RRAGD: variants seen among roughly 807,000 people sequenced by gnomAD.
RRAGD encodes the protein ras-related GTP-binding protein D.
Under a neutral mutation model 35.5 loss-of-function variants are expected in RRAGD, and 12 were observed. That is an observed-to-expected ratio of 0.34 (90% CI 0.22 to 0.55). The LOEUF (loss-of-function observed/expected upper bound fraction) is 0.55, where lower values mean the gene tolerates loss of function less well. RRAGD is among the 20% of genes least tolerant of loss of function. The pLI, the probability that RRAGD is intolerant of heterozygous loss-of-function variation, is 0.91. For synonymous variants in RRAGD, 155 were observed against 178.9 expected, an observed-to-expected ratio of 0.87 and a Z score of 1.07; for missense variants, 324 against 490.1, an observed-to-expected ratio of 0.66 and a Z score of 3.20.
intron 4 of RRAGD, among the ~76,000 whole-genome samples, chr6:89,378,936 A>T (rs1463841905): frequency 6.6e-6 from 1 of 151,916 alleles, no homozygotes; most frequent in African/African-American, 2.4e-5. Context: ...TAGTTTTTAC[A>T]TTTTTTTTGT....
chr6:89,380,057 G>T (rs747855283), intron 3 of RRAGD, 111 bp downstream of exon 3: 1 of 891,744 alleles, frequency 1.1e-6, no homozygotes, highest in Non-Finnish European at 1.8e-6. Context: ...ATGAAACAGG[G>T]TAAAAAGAAG....
At chr6:89,373,705 CT>C (rs1344591466) in intron 5 of RRAGD, among the ~76,000 whole-genome samples, 1 of 140,912 alleles carries the variant, frequency 7.1e-6, no homozygotes, top group Non-Finnish European at 1.5e-5. Flanking sequence ...AATCTCATTT[CT>C]TTTATTTGCT....
At chr6:89,387,246 G>A in intron 2 of RRAGD, 49 bp downstream of exon 2, 5 of 1,563,942 alleles carry the variant, frequency 3.2e-6, no homozygotes, top group Non-Finnish European at 3.5e-6. Flanking sequence ...ATGGGGTGGG[G>A]TGGAGGGGAC....
chr6:89,364,807 A>G lies in RRAGD; in HGVS notation c.*3249T>C, dbSNP rs1768710427. On this transcript the variant is annotated 3_prime_UTR_variant, in exon 7 of 7. Coordinates refer to ENST00000369415, the MANE Select transcript of RRAGD (RefSeq NM_021244.5). ...GTACTTCCTTTTCACCAAAGAGACA[A>G]TTCTGCTCCCAGAAAGCTTAGCTAT... 1 of 152,192 alleles carries G rather than the reference A, an allele frequency of 6.6e-6. No homozygotes were observed. Among genetic ancestry groups the G allele is most frequent in the Non-Finnish European group, 1.5e-5 (1 of 68,038 alleles). The allele number at this position is 152,192 out of a possible 1,614,324, so 9.4% of individuals were successfully genotyped here. A position where few individuals can be genotyped will look rare whatever the true frequency, so the allele number is the denominator to read the frequency against.
chr6:89,411,903 A>C lies in RRAGD; in HGVS notation c.91T>G (p.Tyr31Asp). ...TCGGAGGAGTCGGGCCCGTCTCCGT[A>C]GTCCGCTAGCCCCACCAGCTCATCC... ...EEDELVGLADYGDGPDSSDAD... is the reference protein window; with the variant it reads ...EEDELVGLADDGDGPDSSDAD... Residue 31 changes from tyrosine (Y) to aspartate (D), a missense_variant, in exon 1 of 7, where the codon TAC (tyrosine) becomes GAC (aspartate). Physicochemically the swap from Tyr to Asp is radical, Grantham distance 160. Around this residue, in one of 5 missense-constraint regions of RRAGD, gnomAD observed 96 missense variants for 78.7 expected, o/e 1.22. Transcript: ENST00000369415. This position sits in a 1 kb window ranked among gnomAD's most constrained non-coding sequence, Gnocchi z 5.6. The C allele has an allele frequency of 6.5e-7, 1 of 1,545,618 alleles. No homozygotes were observed. The highest frequency in any genetic ancestry group is 2.4e-5 in the East Asian group (1 of 41,162).
intron 1 of RRAGD, among the ~76,000 whole-genome samples, chr6:89,401,908 G>A (rs1769472649): frequency 6.6e-6 from 1 of 152,054 alleles, no homozygotes; most frequent in Non-Finnish European, 1.5e-5. Flanking sequence ...CAAAATACAA[G>A]GTAGCACATG....
At chr6:89,391,221 C>G (rs1342167636) in intron 1 of RRAGD, among the ~76,000 whole-genome samples, 1 of 150,510 alleles carries the variant, frequency 6.6e-6, no homozygotes, top group Non-Finnish European at 1.5e-5. Context: ...CCCATCTCTA[C>G]AAAAACTTTA....
intron 3 of RRAGD, 119 bp from the exon 4 acceptor site, chr6:89,379,457 C>T (rs1769005792): frequency 4.5e-6 from 2 of 445,518 alleles, no homozygotes; most frequent in East Asian, 7.3e-5. Context: ...ACATACAGTC[C>T]AGCCCCCTTC....
rs2127881425 is a variant in RRAGD, at chr6:89,365,115, T to A, written c.*2941A>T. The A allele has an allele frequency of 6.6e-6, 1 of 152,338 alleles. No individual in the cohort carries two copies. Among genetic ancestry groups the A allele is most frequent in the East Asian group, 1.9e-4 (1 of 5,190 alleles). The allele number at this position is 152,338 out of a possible 1,614,324, so 9.4% of individuals were successfully genotyped here. A position where few individuals can be genotyped will look rare whatever the true frequency, so the allele number is the denominator to read the frequency against. On this transcript the variant is annotated 3_prime_UTR_variant, in exon 7 of 7. Transcript: ENST00000369415. ...TGTAACAATATTGCTGTGATTTTAG[T>A]CATATTTAAGGGTCCAAAATATGTT...
At chr6:89,401,790 C>A (rs998518498) in intron 1 of RRAGD, among the ~76,000 whole-genome samples, 2 of 152,132 alleles carry the variant, frequency 1.3e-5, no homozygotes, top group African/African-American at 4.8e-5. Flanking sequence ...GGGCCATAAC[C>A]CTGGGCCTTT....
At position 89,364,832 on chromosome 6, in the gene RRAGD, T is replaced by C. The variant is rs1768711045; in HGVS notation, c.*3224A>G. On this transcript the variant is annotated 3_prime_UTR_variant, in exon 7 of 7. Coordinates refer to ENST00000369415, the MANE Select transcript of RRAGD (RefSeq NM_021244.5). ...ATTCTGCTCCCAGAAAGCTTAGCTA[T>C]GAATACACTTGAAATGAGAGCTTTA... is the stretch of plus-strand genomic sequence containing the variant. 6.6e-6 allele frequency: 1 copy of C among 152,206 alleles called. No homozygotes were observed. The highest frequency in any genetic ancestry group is 1.5e-5 in the Non-Finnish European group (1 of 68,042). 9.4% of individuals were successfully genotyped at this position (152,206 alleles called of 1,614,324 possible).
intron 1 of RRAGD, among the ~76,000 whole-genome samples, chr6:89,400,252 G>A (rs1485989768): frequency 6.6e-6 from 1 of 152,050 alleles, no homozygotes; most frequent in East Asian, 1.9e-4. Context: ...TAACAATAAA[G>A]AGATTTAAAA....
At chr6:89,378,695 A>G (rs773120937) in intron 4 of RRAGD, among the ~76,000 whole-genome samples, 1 of 152,244 alleles carries the variant, frequency 6.6e-6, no homozygotes, top group African/African-American at 2.4e-5. Context: ...ATATTGAATG[A>G]TTGCCTACAG....
intron 1 of RRAGD, among the ~76,000 whole-genome samples, chr6:89,407,073 T>G (rs1317937969): frequency 6.6e-6 from 1 of 152,124 alleles, no homozygotes. Context: ...ACTTTGAGAG[T>G]GCACTAAGGT....
At chr6:89,400,618 G>A (rs1220661899) in intron 1 of RRAGD, among the ~76,000 whole-genome samples, 1 of 150,230 alleles carries the variant, frequency 6.7e-6, no homozygotes, top group Admixed American at 6.6e-5. Context: ...AAGTCCCCTA[G>A]AGTACAGCTC....
Position 89,380,154 on chromosome 6 carries a change from G to T in RRAGD, c.644+14C>A, listed in dbSNP as rs1020232038. ...CATCCTTTATTGGGATCCTTAAGGG[G>T]TTTCTGTTCTCACCTGAGGTGAATT... On this transcript the variant is annotated intron_variant, in intron 3 of 6. Transcript: ENST00000369415. 1.5e-5 allele frequency: 24 copies of T among 1,613,380 alleles called. No individual in the cohort carries two copies. The highest frequency in any genetic ancestry group is 1.9e-5 in the Non-Finnish European group (22 of 1,179,360).
Position 89,412,013 on chromosome 6 carries a change from G to A in RRAGD, c.-20C>T, listed in dbSNP as rs1209151960. On this transcript the variant is annotated 5_prime_UTR_variant, in exon 1 of 7. Coordinates refer to ENST00000369415, the MANE Select transcript of RRAGD (RefSeq NM_021244.5). The surrounding 1 kb of genome is among the most constrained non-coding windows in gnomAD (Gnocchi z 4.2). Reference sequence around the variant, plus strand: ...GCTCATCGTGCCCACCGGCCGGCCGGCCCGGGGACGGCGGGGGTCCCGGGG... The same window carrying A: ...GCTCATCGTGCCCACCGGCCGGCCGACCCGGGGACGGCGGGGGTCCCGGGG... 1.3e-6 allele frequency: 2 copies of A among 1,521,994 alleles called. No individual in the cohort carries two copies. Among genetic ancestry groups the A allele is most frequent in the Non-Finnish European group, 1.8e-6 (2 of 1,139,874 alleles). 94.3% of individuals were successfully genotyped at this position (1,521,994 alleles called of 1,614,324 possible).
intron 1 of RRAGD, among the ~76,000 whole-genome samples, chr6:89,401,551 C>T (rs576484511): frequency 2.0e-5 from 3 of 152,152 alleles, no homozygotes; most frequent in African/African-American, 4.8e-5. Flanking sequence ...CCACCTCGCC[C>T]GGCCCCCCAC....
intron 5 of RRAGD, among the ~76,000 whole-genome samples, chr6:89,373,739 C>T (rs75710390): frequency 0.024 from 3,590 of 152,044 alleles, 142 homozygotes; most frequent in African/African-American, 0.082. Flanking sequence ...TTGGACAAGT[C>T]GAATAACTTC....
Sources: allele counts gnomAD v4.1 joint callset (sites outside exome capture counted in the v4.1 genomes callset), GRCh38; gene constraint gnomAD v4.1.1; regional missense constraint gnomAD v4.1.1; non-coding constraint Gnocchi (gnomAD v3.1); transcripts MANE v1.5; gene names NCBI Gene and HGNC (gene_info 2026-07-23, HGNC 2026-07-21).